The following RSRC1 variants were observed in gnomAD, a reference collection of about 807,000 sequenced individuals.
The protein encoded by RSRC1 is serine/Arginine-related protein 53.
A neutral mutation model predicts 49.1 loss-of-function variants in RSRC1; 39 were observed. That is an observed-to-expected ratio of 0.79 (90% CI 0.61 to 1.04). The LOEUF (loss-of-function observed/expected upper bound fraction) is 1.04, where lower values mean the gene tolerates loss of function less well. RSRC1 is among the 50% of genes least tolerant of loss of function. RSRC1 has a pLI of 0.00. For missense variants in RSRC1, 388 were observed against 402.4 expected, an observed-to-expected ratio of 0.96 and a Z score of 0.31; for synonymous variants, 143 against 130.8, an observed-to-expected ratio of 1.09 and a Z score of -0.63.
intron 7 of RSRC1, among the ~76,000 whole-genome samples, chr3:158,474,989 A>T (rs2108427430): frequency 6.6e-6 from 1 of 151,818 alleles, no homozygotes; most frequent in Non-Finnish European, 1.5e-5. Flanking sequence ...ATCTCGGCTC[A>T]TTGCAGCCTC....
intron 6 of RSRC1, among the ~76,000 whole-genome samples, chr3:158,448,162 T>C (rs962579009): frequency 6.6e-6 from 1 of 151,922 alleles, no homozygotes; most frequent in South Asian, 2.1e-4. Context: ...ATGTATATGC[T>C]GTAAGTCGAA....
intron 7 of RSRC1, among the ~76,000 whole-genome samples, chr3:158,519,360 G>T (rs989671948): frequency 6.6e-6 from 1 of 151,936 alleles, no homozygotes; most frequent in African/African-American, 2.4e-5. Flanking sequence ...AGAGTGACCA[G>T]TGTTTTCTTT....
chr3:158,380,409 A>G (rs910104314), intron 6 of RSRC1, among the ~76,000 whole-genome samples: 1 of 152,128 alleles, frequency 6.6e-6, no homozygotes, highest in African/African-American at 2.4e-5. Context: ...GTAGTGTTCT[A>G]TGACTGTGAA....
intron 6 of RSRC1, among the ~76,000 whole-genome samples, chr3:158,425,426 T>C (rs529042762): frequency 6.6e-6 from 1 of 152,220 alleles, no homozygotes; most frequent in South Asian, 2.1e-4. Flanking sequence ...CTAGTTTGAT[T>C]GCACTGTGGT....
intron 6 of RSRC1, among the ~76,000 whole-genome samples, chr3:158,371,013 A>T (rs1025330265): frequency 3.3e-5 from 5 of 151,918 alleles, no homozygotes; most frequent in East Asian, 1.9e-4. Context: ...ATTTAATTTA[A>T]TGTGCCTTCC....
At chr3:158,526,441 T>C (rs1198126120) in intron 7 of RSRC1, among the ~76,000 whole-genome samples, 2 of 151,942 alleles carry the variant, frequency 1.3e-5, no homozygotes, top group African/African-American at 4.8e-5. Flanking sequence ...TAGGATCAAG[T>C]GAAACATGCT....
At chr3:158,499,439 G>C (rs1001632448) in intron 7 of RSRC1, among the ~76,000 whole-genome samples, 2 of 151,964 alleles carry the variant, frequency 1.3e-5, no homozygotes, top group Non-Finnish European at 2.9e-5. Context: ...TATTTTGATG[G>C]GGATTGCACT....
chr3:158,145,872 G>A (rs1463519142), intron 3 of RSRC1, among the ~76,000 whole-genome samples: 1 of 152,196 alleles, frequency 6.6e-6, no homozygotes, highest in South Asian at 2.1e-4. Flanking sequence ...GGATTCCTAG[G>A]TATTTTATTC....
rs1354381526 is a variant in RSRC1 at position 158,202,563 on chromosome 3, TA to T, written c.321-508del. Reference sequence around the variant, plus strand: ...CTGTAGGGTTGTCAGTCTGGTAGATTATATATATATATATATATGTTTTATC... The same window carrying T: ...CTGTAGGGTTGTCAGTCTGGTAGATTTATATATATATATATATGTTTTATC... On this transcript the variant is annotated intron_variant, in intron 3 of 9. Coordinates refer to ENST00000611884, the MANE Select transcript of RSRC1 (RefSeq NM_001271838.2). Among the ~76,000 whole-genome samples, 57 of 60,228 alleles carry T rather than the reference TA, an allele frequency of 9.5e-4. 5 individuals are homozygous for T. Among genetic ancestry groups the T allele is most frequent in the African/African-American group, 1.6e-3 (25 of 15,470 alleles). The allele number at this position is 60,228 out of a possible 152,430, so 39.5% of individuals were successfully genotyped here.
intron 3 of RSRC1, among the ~76,000 whole-genome samples, chr3:158,197,008 G>A (rs901536547): frequency 1.3e-5 from 2 of 152,082 alleles, no homozygotes; most frequent in Admixed American, 6.6e-5. Flanking sequence ...GAATGATGCC[G>A]GCCTCATAAA....
intron 4 of RSRC1, among the ~76,000 whole-genome samples, chr3:158,285,497 C>G (rs1305584561): frequency 2.0e-5 from 3 of 152,192 alleles, no homozygotes; most frequent in Admixed American, 6.5e-5. Context: ...TGGCCATTTT[C>G]ACGATATTGA....
At chr3:158,385,573 A>G (rs1325473818) in intron 6 of RSRC1, among the ~76,000 whole-genome samples, 1 of 152,170 alleles carries the variant, frequency 6.6e-6, no homozygotes, top group East Asian at 1.9e-4. Flanking sequence ...AATGGTATCA[A>G]CCCTGAGTAA....
At chr3:158,186,089 A>G (rs1006446789) in intron 3 of RSRC1, among the ~76,000 whole-genome samples, 2 of 151,948 alleles carry the variant, frequency 1.3e-5, no homozygotes, top group African/African-American at 4.8e-5. Flanking sequence ...ATAAGGACTT[A>G]AATCACTTTA....
chr3:158,383,297 C>T (rs1578411217), intron 6 of RSRC1, among the ~76,000 whole-genome samples: 2 of 152,236 alleles, frequency 1.3e-5, no homozygotes, highest in East Asian at 3.9e-4. Flanking sequence ...AGTTGGCCCT[C>T]CATATCCACT....
chr3:158,514,771 T>A (rs536603061), intron 7 of RSRC1, among the ~76,000 whole-genome samples: 1 of 152,162 alleles, frequency 6.6e-6, no homozygotes, highest in Non-Finnish European at 1.5e-5. Context: ...TGTAGGTCAC[T>A]CAGGACTTGC....
chr3:158,526,400 A>C (rs1712025437), intron 7 of RSRC1, among the ~76,000 whole-genome samples: 1 of 152,040 alleles, frequency 6.6e-6, no homozygotes, highest in Admixed American at 6.6e-5. Context: ...TCTTAAACTT[A>C]GAAATGAGTA....
At chr3:158,513,219 T>G (rs1320906663) in intron 7 of RSRC1, among the ~76,000 whole-genome samples, 2 of 149,406 alleles carry the variant, frequency 1.3e-5, no homozygotes, top group Non-Finnish European at 3.0e-5. Context: ...TGCTTCCAGT[T>G]TTTGCCCATT....
chr3:158,440,568 G>A (rs1211007575), intron 6 of RSRC1, among the ~76,000 whole-genome samples: 1 of 152,016 alleles, frequency 6.6e-6, no homozygotes, highest in Non-Finnish European at 1.5e-5. Context: ...CCCAATTTCT[G>A]CTTAAAAGTA....
At chr3:158,172,590 A>G (rs929836020) in intron 3 of RSRC1, among the ~76,000 whole-genome samples, 35 of 152,162 alleles carry the variant, frequency 2.3e-4, no homozygotes, top group African/African-American at 8.4e-4. Context: ...TGACCCTTCT[A>G]GGTTAAAAAG....
Sources: allele counts gnomAD v4.1 joint callset (sites outside exome capture counted in the v4.1 genomes callset), GRCh38; gene constraint gnomAD v4.1.1; transcripts MANE v1.5; gene names NCBI Gene and HGNC (gene_info 2026-07-23, HGNC 2026-07-21).